The following ANO3 variants were observed in gnomAD, a reference collection of about 807,000 sequenced individuals.
The protein encoded by ANO3 is anoctamin 3.
In ANO3, 99 loss-of-function variants were observed where a neutral mutation model predicts 144.8. The ratio of observed to expected loss-of-function variants is 0.68; its 90% confidence interval spans 0.58 to 0.81. The LOEUF is 0.81. Ranked by LOEUF, ANO3 falls within the 30% of genes least tolerant of loss-of-function variation. The probability of loss-of-function intolerance (pLI) is 0.00; values close to 1 mark genes in which losing one functional copy is unlikely to be tolerated. For synonymous variants in ANO3, 414 were observed against 392.6 expected (o/e 1.05, Z -0.64); for missense variants, 905 against 1,202.2 (o/e 0.75, Z 3.66).
intron 4 of ANO3, among the ~76,000 whole-genome samples, chr11:26,476,796 G>A (rs1420018298): frequency 1.3e-5 from 2 of 151,934 alleles, no homozygotes; most frequent in East Asian, 1.9e-4. Context: ...TATCTACAGA[G>A]GTGAAAGTTA....
At chr11:26,567,548 C>T (rs140646072) in intron 14 of ANO3, among the ~76,000 whole-genome samples, 94 of 152,038 alleles carry the variant, frequency 6.2e-4, no homozygotes, top group African/African-American at 2.0e-3. Flanking sequence ...TGTGGTACAA[C>T]GTAAATATAT....
At position 26,624,152 on chromosome 11, in the gene ANO3, T is replaced by A. The variant is rs534919297; in HGVS notation, c.1837-310T>A. ...GATTAGCTGAATGACTTTTAGGGAC[T>A]TTTTCTCATTTCTTGATTTACAAAA... On this transcript the variant is annotated intron_variant, in intron 17 of 26. Coordinates refer to ENST00000256737, the MANE Select transcript of ANO3 (RefSeq NM_031418.4). Among the ~76,000 whole-genome samples the A allele has an allele frequency of 5.9e-5, 9 of 152,336 alleles. No homozygotes were observed. The East Asian group carries it at 1.7e-3, about 29-fold the overall frequency.
At chr11:26,552,482 C>A (rs922192999) in intron 12 of ANO3, among the ~76,000 whole-genome samples, 6 of 151,946 alleles carry the variant, frequency 3.9e-5, no homozygotes, top group African/African-American at 1.5e-4. Flanking sequence ...TGGGAAAGGG[C>A]CATGTATGAG....
chr11:26,199,091 G>A (rs1851643121), intron 1 of ANO3, among the ~76,000 whole-genome samples: 1 of 150,304 alleles, frequency 6.7e-6, no homozygotes, highest in African/African-American at 2.4e-5. Flanking sequence ...ATTTCTGGGA[G>A]ATCAATTTTA....
intron 1 of ANO3, among the ~76,000 whole-genome samples, chr11:26,207,607 C>T (rs12799220): frequency 0.3 from 45,403 of 151,800 alleles, 7,605 homozygotes; most frequent in Non-Finnish European, 0.37. Context: ...ATGAGAAAGG[C>T]ACTCTAATTA....
chr11:26,348,059 A>G (rs1157912301), intron 1 of ANO3, among the ~76,000 whole-genome samples: 4 of 152,148 alleles, frequency 2.6e-5, no homozygotes, highest in African/African-American at 9.7e-5. Context: ...TTTGTCTTTA[A>G]TATCATGTCT....
chr11:26,311,053 C>G (rs558875410), intron 1 of ANO3, among the ~76,000 whole-genome samples: 1 of 152,058 alleles, frequency 6.6e-6, no homozygotes, highest in South Asian at 2.1e-4. Flanking sequence ...TTTCTTCATA[C>G]TCAAAGAAAG....
chr11:26,470,597 A>G (rs1201663066), intron 4 of ANO3, among the ~76,000 whole-genome samples: 1 of 151,980 alleles, frequency 6.6e-6, no homozygotes, highest in Admixed American at 6.6e-5. Flanking sequence ...GAAAATCTCT[A>G]AACTATTTAA....
chr11:26,401,850 T>C (rs772366172), intron 1 of ANO3, among the ~76,000 whole-genome samples: 7 of 152,004 alleles, frequency 4.6e-5, no homozygotes, highest in Non-Finnish European at 7.4e-5. Context: ...GTCTACCTCG[T>C]TAACCCAGAC....
intron 1 of ANO3, among the ~76,000 whole-genome samples, chr11:26,439,578 G>C (rs1303119782): frequency 1.3e-5 from 2 of 152,184 alleles, no homozygotes; most frequent in Admixed American, 1.3e-4. Context: ...ATACTAAAAA[G>C]AGCTAAACTG....
At chr11:26,274,609 C>A (rs1378291698) in intron 1 of ANO3, among the ~76,000 whole-genome samples, 2 of 152,048 alleles carry the variant, frequency 1.3e-5, no homozygotes, top group Admixed American at 1.3e-4. Flanking sequence ...TATGAACATG[C>A]TAGTTTCCCA....
At chr11:26,497,969 A>G (rs1043306234) in intron 4 of ANO3, among the ~76,000 whole-genome samples, 11 of 152,072 alleles carry the variant, frequency 7.2e-5, no homozygotes, top group African/African-American at 2.2e-4. Context: ...GAAGTGCAGA[A>G]TAACTACAGA....
At chr11:26,565,786 C>T (rs779223477) in intron 14 of ANO3, 2 of 1,609,602 alleles carry the variant, frequency 1.2e-6, no homozygotes, top group Admixed American at 1.7e-5. Context: ...TCTTGATTTT[C>T]TTTTCCATGG....
At chr11:26,462,650 T>A (rs1317622613) in intron 3 of ANO3, among the ~76,000 whole-genome samples, 1 of 151,886 alleles carries the variant, frequency 6.6e-6, no homozygotes, top group African/African-American at 2.4e-5. Flanking sequence ...ATGCAGTTTT[T>A]AATTAAGCAA....
At chr11:26,510,082 C>A (rs1490109573) in intron 5 of ANO3, among the ~76,000 whole-genome samples, 1 of 137,972 alleles carries the variant, frequency 7.2e-6, no homozygotes, top group African/African-American at 2.8e-5. Context: ...TGCAGTGAGC[C>A]GAGATCATGC....
intron 4 of ANO3, among the ~76,000 whole-genome samples, chr11:26,503,182 C>T (rs897841417): frequency 3.9e-5 from 6 of 152,036 alleles, no homozygotes; most frequent in African/African-American, 7.2e-5. Context: ...TGAGAAAAAG[C>T]GAATTTTATT....
Position 26,409,924 on chromosome 11 carries a change from T to C in ANO3, c.47-31994T>C, listed in dbSNP as rs1225002179. 3.3e-5 allele frequency among the ~76,000 whole-genome samples: 5 copies of C among 151,996 alleles called. No homozygotes were observed. In the East Asian group the frequency reaches 9.7e-4, roughly 30 times the overall value. ...TAATTAAATTCCTATATCTCATTGATAGTGATCAATGCAGTAGTAATTTTC... is the reference window on the plus strand; with the variant it reads ...TAATTAAATTCCTATATCTCATTGACAGTGATCAATGCAGTAGTAATTTTC... On this transcript the variant is annotated intron_variant, in intron 1 of 26. Coordinates refer to ENST00000256737, the MANE Select transcript of ANO3 (RefSeq NM_031418.4).
At chr11:26,203,323 C>G (rs141578448) in intron 1 of ANO3, among the ~76,000 whole-genome samples, 1 of 152,214 alleles carries the variant, frequency 6.6e-6, no homozygotes, top group East Asian at 1.9e-4. Flanking sequence ...CAACATTGTA[C>G]GCTACCTTTT....
At chr11:26,545,275 G>C (rs1849757690) in intron 11 of ANO3, among the ~76,000 whole-genome samples, 2 of 152,024 alleles carry the variant, frequency 1.3e-5, no homozygotes, top group Non-Finnish European at 2.9e-5. Context: ...GAGACCCATA[G>C]GCACAGCCTG....
Sources: allele counts gnomAD v4.1 joint callset (sites outside exome capture counted in the v4.1 genomes callset), GRCh38; gene constraint gnomAD v4.1.1; transcripts MANE v1.5; gene names NCBI Gene and HGNC (gene_info 2026-07-23, HGNC 2026-07-21).